SLC35E3: variants seen among roughly 807,000 people sequenced by gnomAD.
SLC35E3 encodes solute carrier family 35 member E3, also known as bladder cancer-overexpressed gene 1 protein.
In SLC35E3, 28 loss-of-function variants were observed where a neutral mutation model predicts 30.8. The ratio of observed to expected loss-of-function variants is 0.91; its 90% confidence interval spans 0.67 to 1.25. The LOEUF is 1.25. Ranked by LOEUF, SLC35E3 falls within the 50% of genes most tolerant of loss-of-function variation. SLC35E3 has a pLI of 0.00. For missense variants in SLC35E3, 365 were observed against 375.4 expected (o/e 0.97, Z 0.23); for synonymous variants, 146 against 149.2 (o/e 0.98, Z 0.16).
chr12:68,764,769 A>T lies in SLC35E3; in HGVS notation c.821A>T (p.Asp274Val), dbSNP rs747637628. ...TLFGGYVLFK[D>V]PLSINQALGI... ...TTCGGAGGATATGTTTTATTTAAGG[A>T]TCCACTGTCCATTAATCAGGCCCTT... The change falls in exon 5 of 5, where the codon GAT becomes GTT. Residue 274 changes from aspartate (D) to valine (V), a missense_variant. Physicochemically the swap from Asp to Val is radical, Grantham distance 152. Transcript: ENST00000398004. 1.2e-6 allele frequency: 2 copies of T among 1,613,998 alleles called. No homozygotes were observed. Among genetic ancestry groups the T allele is most frequent in the Non-Finnish European group, 1.7e-6 (2 of 1,180,034 alleles).
intron 3 of SLC35E3, among the ~76,000 whole-genome samples, chr12:68,753,582 C>T (rs147911107): frequency 2.0e-4 from 31 of 152,164 alleles, no homozygotes; most frequent in African/African-American, 6.5e-4. Flanking sequence ...TGTATAAACA[C>T]ATAGGTACAC....
Position 68,768,463 on chromosome 12 carries a change from T to C in SLC35E3, c.*3573T>C, listed in dbSNP as rs12321570. ...CTAAAACTTGAGTCTGATAAACTTT[T>C]TTGCCCCGAAGATAATCATCCCACT... On this transcript the variant is annotated 3_prime_UTR_variant, in exon 5 of 5. Transcript: ENST00000398004. 0.11 allele frequency: 16,579 copies of C among 152,074 alleles called. 1,632 individuals are homozygous for C. The highest frequency in any genetic ancestry group is 0.26 in the African/African-American group (10,785 of 41,424). 9.4% of individuals were successfully genotyped at this position (152,074 alleles called of 1,614,324 possible).
At chr12:68,751,722 C>T (rs1035808640) in intron 2 of SLC35E3, among the ~76,000 whole-genome samples, 2 of 152,104 alleles carry the variant, frequency 1.3e-5, no homozygotes, top group Admixed American at 6.6e-5. Context: ...CTTGTAGGCC[C>T]TTATATGCAT....
At chr12:68,747,510 T>C (rs1878636343) in intron 1 of SLC35E3, among the ~76,000 whole-genome samples, 1 of 152,202 alleles carries the variant, frequency 6.6e-6, no homozygotes, top group African/African-American at 2.4e-5. Flanking sequence ...TCAGGTGATC[T>C]GCCCGCCTTG....
intron 2 of SLC35E3, among the ~76,000 whole-genome samples, chr12:68,748,870 T>G (rs1878691985): frequency 6.6e-6 from 1 of 152,222 alleles, no homozygotes; most frequent in Non-Finnish European, 1.5e-5. Flanking sequence ...GCATTCTTGT[T>G]TGAAATTTTA....
At position 68,780,654 on chromosome 12, in the gene SLC35E3, A is replaced by G. The variant is rs1242192658; in HGVS notation, c.*15764A>G. On this transcript the variant is annotated 3_prime_UTR_variant, in exon 5 of 5. Transcript: ENST00000398004. Reference sequence around the variant, plus strand: ...AGGCATGCACCACTATGCCCGGCTAATTTTGTATTTTTAGTAGAGACAGGG... The same window carrying G: ...AGGCATGCACCACTATGCCCGGCTAGTTTTGTATTTTTAGTAGAGACAGGG... 1 of 151,920 alleles carries G rather than the reference A, an allele frequency of 6.6e-6. No individual in the cohort carries two copies. Among genetic ancestry groups the G allele is most frequent in the African/African-American group, 2.4e-5 (1 of 41,318 alleles). 9.4% of individuals were successfully genotyped at this position (151,920 alleles called of 1,614,324 possible).
At chr12:68,753,434 CAG>C (rs1267794667) in intron 3 of SLC35E3, among the ~76,000 whole-genome samples, 1 of 151,460 alleles carries the variant, frequency 6.6e-6, no homozygotes, top group African/African-American at 2.4e-5. Context: ...GCCTGGGCAA[CAG>C]AGTGAGACCC....
At chr12:68,753,883 C>G (rs933763373) in intron 3 of SLC35E3, among the ~76,000 whole-genome samples, 3 of 152,096 alleles carry the variant, frequency 2.0e-5, no homozygotes, top group East Asian at 3.9e-4. Flanking sequence ...TGGAGTCTCA[C>G]TCTGTCGCCC....
chr12:68,748,936 A>G (rs1045983351), intron 2 of SLC35E3, among the ~76,000 whole-genome samples: 3 of 152,262 alleles, frequency 2.0e-5, no homozygotes, highest in African/African-American at 7.2e-5. Flanking sequence ...ATCATGTCAG[A>G]GACAGTATTT....
Position 68,766,927 on chromosome 12 carries a change from C to T in SLC35E3, c.*2037C>T, listed in dbSNP as rs953555810. The T allele has an allele frequency of 1.4e-5, 4 of 283,908 alleles. No individual in the cohort carries two copies. Among genetic ancestry groups the T allele is most frequent in the South Asian group, 5.4e-5 (2 of 37,002 alleles). The allele number at this position is 283,908 out of a possible 1,614,324, so 17.6% of individuals were successfully genotyped here. On this transcript the variant is annotated 3_prime_UTR_variant, in exon 5 of 5. Transcript: ENST00000398004. ...ACCTCCCTGCTTCTATTGCCTAGCC[C>T]GTACATTTGAGGCTTCCATGGAGCT...
chr12:68,753,308 C>G (rs1878874792), intron 3 of SLC35E3, among the ~76,000 whole-genome samples: 1 of 151,504 alleles, frequency 6.6e-6, no homozygotes, highest in South Asian at 2.1e-4. Flanking sequence ...AATAAAAAAG[C>G]CAGGCATGGT....
chr12:68,773,227 G>A lies in SLC35E3; in HGVS notation c.*8337G>A, dbSNP rs963538334. The A allele has an allele frequency of 1.3e-5, 2 of 152,130 alleles. No homozygotes were observed. Among genetic ancestry groups the A allele is most frequent in the Non-Finnish European group, 2.9e-5 (2 of 68,048 alleles). 9.4% of individuals were successfully genotyped at this position (152,130 alleles called of 1,614,324 possible). A position where few individuals can be genotyped will look rare whatever the true frequency, so the allele number is the denominator to read the frequency against. ...AACTTTTGTAAGGAAGTAAAAAAGA[G>A]TCTACAGTTCAGTGCAGGATAGGGA... On this transcript the variant is annotated 3_prime_UTR_variant, in exon 5 of 5. Coordinates refer to ENST00000398004, the MANE Select transcript of SLC35E3 (RefSeq NM_018656.5).
intron 3 of SLC35E3, among the ~76,000 whole-genome samples, chr12:68,752,643 G>A (rs1438723052): frequency 6.6e-6 from 1 of 152,118 alleles, no homozygotes; most frequent in East Asian, 1.9e-4. Context: ...GGATGAGCTG[G>A]GCAGATCGTT....
intron 3 of SLC35E3, 27 bp from the exon 4 acceptor site, chr12:68,759,130 T>C (rs1333684771): frequency 2.0e-6 from 3 of 1,500,626 alleles, no homozygotes; most frequent in Admixed American, 3.5e-5. Flanking sequence ...GTGCTTTGCA[T>C]TAATGGTTCT....
intron 3 of SLC35E3, among the ~76,000 whole-genome samples, chr12:68,754,460 A>G (rs749207333): frequency 6.6e-6 from 1 of 151,464 alleles, no homozygotes; most frequent in Non-Finnish European, 1.5e-5. Context: ...ATTTTTTTGT[A>G]TTTTTGATAG....
chr12:68,780,565 G>A lies in SLC35E3; in HGVS notation c.*15675G>A, dbSNP rs7296520. On this transcript the variant is annotated 3_prime_UTR_variant, in exon 5 of 5. Coordinates refer to ENST00000398004, the MANE Select transcript of SLC35E3 (RefSeq NM_018656.5). The stretch of plus-strand genomic sequence containing the variant: ...TGCAATGGCATGATCTGGACTCACC[G>A]CAACCTCCGCCTCCTGGGTTCAAGC... 0.19 allele frequency: 27,402 copies of A among 143,194 alleles called. 2,639 individuals are homozygous for A. The highest frequency in any genetic ancestry group is 0.29 in the Middle Eastern group (76 of 264). 8.9% of individuals were successfully genotyped at this position (143,194 alleles called of 1,614,324 possible).
At chr12:68,760,950 G>C (rs1879215149) in intron 4 of SLC35E3, among the ~76,000 whole-genome samples, 1 of 152,240 alleles carries the variant, frequency 6.6e-6, no homozygotes, top group Non-Finnish European at 1.5e-5. Context: ...GGCAGGGCTA[G>C]TCAGGAAGGC....
chr12:68,752,253 T>C lies in SLC35E3; in HGVS notation c.672+63T>C, dbSNP rs1878832193. On this transcript the variant is annotated intron_variant, in intron 3 of 4. Coordinates refer to ENST00000398004, the MANE Select transcript of SLC35E3 (RefSeq NM_018656.5). ...AATAATAACTCCTCCATTATTAATG[T>C]AATTTTTAGTTTTCAGAGCACTATG... The C allele has an allele frequency of 2.8e-6, 4 of 1,446,260 alleles. No individual in the cohort carries two copies. The East Asian group carries it at 9.4e-5, about 34-fold the overall frequency. 89.6% of individuals were successfully genotyped at this position (1,446,260 alleles called of 1,614,324 possible).
In SLC35E3 at chr12:68,775,541, G is replaced by A. The variant is rs965438104; in HGVS notation, c.*10651G>A. On this transcript the variant is annotated 3_prime_UTR_variant, in exon 5 of 5. Coordinates refer to ENST00000398004, the MANE Select transcript of SLC35E3 (RefSeq NM_018656.5). The stretch of plus-strand genomic sequence containing the variant: ...AAAGGCACCAGTCTCACTGGGCAGA[G>A]CCTTCATGACCCAGTCACCTTTTAA... 6.6e-6 allele frequency: 1 copy of A among 152,184 alleles called. No homozygotes were observed. Among genetic ancestry groups the A allele is most frequent in the African/African-American group, 2.4e-5 (1 of 41,434 alleles). The allele number at this position is 152,184 out of a possible 1,614,324, so 9.4% of individuals were successfully genotyped here.
Sources: allele counts gnomAD v4.1 joint callset (sites outside exome capture counted in the v4.1 genomes callset), GRCh38; gene constraint gnomAD v4.1.1; transcripts MANE v1.5; gene names NCBI Gene and HGNC (gene_info 2026-07-23, HGNC 2026-07-21).